The following SPHK2 variants were observed in gnomAD, a reference collection of about 807,000 sequenced individuals.
The protein encoded by SPHK2 is sphingosine kinase 2.
A neutral mutation model predicts 32.3 loss-of-function variants in SPHK2; 18 were observed. That is an observed-to-expected ratio of 0.56 (90% CI 0.39 to 0.83). The LOEUF (loss-of-function observed/expected upper bound fraction) is 0.83. Among genes scored for constraint, SPHK2 ranks in the 40% least tolerant of loss-of-function variants. SPHK2 has a pLI of 0.00. For synonymous variants in SPHK2, 462 were observed against 417.6 expected (o/e 1.11, Z -1.30); for missense variants, 850 against 908.7 (o/e 0.94, Z 0.83).
At position 48,628,530 on chromosome 19, in the gene SPHK2, G is replaced by T. The variant is rs144542227; in HGVS notation, c.873-151G>T. Reference sequence around the variant, plus strand: ...GAAAGATGACCAGGAACCTGGCCCCGTAAGGAGTCGCCTGGAGGTGGCCCC... The same window carrying T: ...GAAAGATGACCAGGAACCTGGCCCCTTAAGGAGTCGCCTGGAGGTGGCCCC... On this transcript the variant is annotated intron_variant, in intron 6 of 6. Coordinates refer to ENST00000245222, the MANE Select transcript of SPHK2 (RefSeq NM_020126.5). This position sits in a 1 kb window ranked among gnomAD's most constrained non-coding sequence, Gnocchi z 5.2. The T allele has an allele frequency of 6.8e-6, 7 of 1,023,456 alleles. No homozygotes were observed. Among genetic ancestry groups the T allele is most frequent in the East Asian group, 4.8e-5 (2 of 42,024 alleles). The allele number at this position is 1,023,456 out of a possible 1,614,324, so 63.4% of individuals were successfully genotyped here.
Position 48,627,743 on chromosome 19 carries a change from A to T in SPHK2, c.563A>T (p.Asn188Ile). The part of the protein sequence containing the change: ...PRPPRLLLLV[N>I]PFGGRGLAWQ... ...CCGCCCCGGTTGCTTCTATTGGTCA[A>T]TCCCTTTGGGGGTCGGGGCCTGGCC... Residue 188 changes from asparagine (N) to isoleucine (I), a missense_variant, in exon 4 of 7, where the codon AAT (asparagine) becomes ATT (isoleucine). This residue lies in a region of SPHK2 where 544 missense variants were observed against 640.0 expected (regional missense o/e 0.85). Coordinates refer to ENST00000245222, the MANE Select transcript of SPHK2 (RefSeq NM_020126.5). The T allele has an allele frequency of 6.2e-7, 1 of 1,613,530 alleles. No homozygotes were observed. Among genetic ancestry groups the T allele is most frequent in the East Asian group, 2.2e-5 (1 of 44,878 alleles).
At position 48,628,048 on chromosome 19, in the gene SPHK2, G is replaced by C. The variant is rs746600744; in HGVS notation, c.735G>C (p.Ser245=). 4 of 1,594,382 alleles carry C rather than the reference G, an allele frequency of 2.5e-6. No homozygotes were observed. In the South Asian group the frequency reaches 3.4e-5, roughly 13 times the overall value. ...LSEWDGIVTV[S]GDGLLHEVLN... is the part of the protein sequence containing the mutation. Reference sequence around the variant, plus strand: ...AGTGGGATGGCATCGTCACGGTCTCGGGAGACGGGCTGCTCCATGAGGTAG... The same window carrying C: ...AGTGGGATGGCATCGTCACGGTCTCCGGAGACGGGCTGCTCCATGAGGTAG... Residue 245 remains serine (S), a synonymous_variant, in exon 5 of 7, where the codon TCG becomes TCC. Coordinates refer to ENST00000245222, the MANE Select transcript of SPHK2 (RefSeq NM_020126.5). The surrounding 1 kb of genome is among the most constrained non-coding windows in gnomAD (Gnocchi z 5.2).
At position 48,630,245 on chromosome 19, in the gene SPHK2, TC is replaced by T. The variant is rs1031505703; in HGVS notation, c.*476del. On this transcript the variant is annotated 3_prime_UTR_variant, in exon 7 of 7. Coordinates refer to ENST00000245222, the MANE Select transcript of SPHK2 (RefSeq NM_020126.5). This position sits in a 1 kb window ranked among gnomAD's most constrained non-coding sequence, Gnocchi z 4.9. ...GCCAATCAGCCCAGGAGGGGCAGGTTCCCCGGGGCCGGCGCTAGGATTTGCA... is the reference window on the plus strand; with the variant it reads ...GCCAATCAGCCCAGGAGGGGCAGGTTCCCGGGGCCGGCGCTAGGATTTGCA... 7.8e-7 allele frequency: 1 copy of T among 1,274,876 alleles called. No individual in the cohort carries two copies. The allele number at this position is 1,274,876 out of a possible 1,614,324, so 79.0% of individuals were successfully genotyped here.
rs1202374268 is a variant in SPHK2 at position 48,626,372 on chromosome 19, T to G, written c.511+10T>G. ...CTGCCCGGGGATGGGGGTGAGGTGC[T>G]GGGCAGCTGCTCTATCCTGGAGCCA... On this transcript the variant is annotated intron_variant, in intron 3 of 6. Transcript: ENST00000245222. 2.6e-6 allele frequency: 4 copies of G among 1,563,696 alleles called. No individual in the cohort carries two copies. The highest frequency in any genetic ancestry group is 3.4e-6 in the Non-Finnish European group (4 of 1,165,004).
In SPHK2 at chr19:48,619,514, C is replaced by G. The variant is rs893518861; in HGVS notation, c.-143C>G. 1 of 293,736 alleles carries G rather than the reference C, an allele frequency of 3.4e-6. No individual in the cohort carries two copies. Among genetic ancestry groups the G allele is most frequent in the Non-Finnish European group, 6.5e-6 (1 of 153,648 alleles). 18.2% of individuals were successfully genotyped at this position (293,736 alleles called of 1,614,324 possible). ...GACGCCGACGGCCTCTCAGTGGCTC[C>G]CGGAGGACCCGGCGGGCCCAGTGTT... On this transcript the variant is annotated 5_prime_UTR_variant, in exon 1 of 7. Coordinates refer to ENST00000245222, the MANE Select transcript of SPHK2 (RefSeq NM_020126.5).
At chr19:48,624,824 TG>T in intron 2 of SPHK2, 2 of 785,918 alleles carry the variant, frequency 2.5e-6, no homozygotes, top group Non-Finnish European at 2.9e-6. Context: ...AGAGAGCCGC[TG>T]GGGATAGGGG....
intron 3 of SPHK2, 107 bp from the exon 4 acceptor site, chr19:48,627,585 C>A: frequency 5.8e-6 from 8 of 1,373,838 alleles, no homozygotes; most frequent in Non-Finnish European, 7.9e-6. Flanking sequence ...CCAGCAGGTC[C>A]CAGGGGCCAG....
rs557568260 is a variant in SPHK2 at position 48,630,288 on chromosome 19, C to G, written c.*515C>G. 27 of 1,288,716 alleles carry G rather than the reference C, an allele frequency of 2.1e-5. No homozygotes were observed. The highest frequency in any genetic ancestry group is 2.7e-5 in the Non-Finnish European group (27 of 1,018,830). The allele number at this position is 1,288,716 out of a possible 1,614,324, so 79.8% of individuals were successfully genotyped here. On this transcript the variant is annotated 3_prime_UTR_variant, in exon 7 of 7. Coordinates refer to ENST00000245222, the MANE Select transcript of SPHK2 (RefSeq NM_020126.5). The surrounding 1 kb of genome is among the most constrained non-coding windows in gnomAD (Gnocchi z 4.9). ...GGATTTGCACTAATGTTCCTCTCCC[C>G]GCGGGTGGGGGCGGGGAAATTCATA...
rs958455869 is a variant in SPHK2 at position 48,629,410 on chromosome 19, G to A, written c.1602G>A (p.Leu534=). ...GTPLPPDWVT[L]EGDFVLMLAI... is the part of the protein sequence containing the mutation. ...CGCTGCCCCCAGACTGGGTGACGCTGGAGGGGGACTTTGTGCTCATGTTGG... is the reference window on the plus strand; with the variant it reads ...CGCTGCCCCCAGACTGGGTGACGCTAGAGGGGGACTTTGTGCTCATGTTGG... The change falls in exon 7 of 7, where the codon CTG becomes CTA. Residue 534 remains leucine, a synonymous_variant. Transcript: ENST00000245222. 17 of 1,611,322 alleles carry A rather than the reference G, an allele frequency of 1.1e-5. No homozygotes were observed. The African/African-American group carries it at 2.1e-4, about 20-fold the overall frequency.
rs1169755176 is a variant in SPHK2, at chr19:48,629,501, C to T, written c.1693C>T (p.Leu565=). 6.2e-7 allele frequency: 1 copy of T among 1,607,466 alleles called. No individual in the cohort carries two copies. ...AAPHARFDDG[L]VHLCWVRSGI... ...TCCGCATGCGCGCTTCGACGACGGC[C>T]TGGTGCACCTGTGCTGGGTGCGTAG... Residue 565 remains leucine (L), a synonymous_variant, in exon 7 of 7, where the codon CTG becomes TTG. Transcript: ENST00000245222.
At chr19:48,625,035 G>A in intron 2 of SPHK2, 1 of 991,004 alleles carries the variant, frequency 1.0e-6, no homozygotes. Flanking sequence ...CCTCAGTCCT[G>A]CTCCCACCCG....
chr19:48,621,772 T>C (rs185847718), intron 2 of SPHK2, among the ~76,000 whole-genome samples: 33 of 152,298 alleles, frequency 2.2e-4, no homozygotes, highest in Admixed American at 1.2e-3. Flanking sequence ...AAGACAGTTA[T>C]TCAATTGAGA....
At position 48,628,101 on chromosome 19, in the gene SPHK2, G is replaced by C; in HGVS notation, c.756+32G>C. On this transcript the variant is annotated intron_variant, in intron 5 of 6. Coordinates refer to ENST00000245222, the MANE Select transcript of SPHK2 (RefSeq NM_020126.5). This position sits in a 1 kb window ranked among gnomAD's most constrained non-coding sequence, Gnocchi z 5.2. ...CAGGAGCACCCTGCCCCTAGCCCTG[G>C]GCCCTGGGGGACTATAGAGACTGCC... The C allele has an allele frequency of 6.3e-7, 1 of 1,580,418 alleles. No individual in the cohort carries two copies.
intron 2 of SPHK2, chr19:48,625,398 G>A: frequency 1.7e-6 from 2 of 1,178,076 alleles, no homozygotes; most frequent in South Asian, 1.6e-5. Flanking sequence ...GCACCGTATG[G>A]GGGGTGGGGG....
rs1432372248 is a variant in SPHK2, at chr19:48,628,333, C to T, written c.872+56C>T. On this transcript the variant is annotated intron_variant, in intron 6 of 6. Transcript: ENST00000245222. This position sits in a 1 kb window ranked among gnomAD's most constrained non-coding sequence, Gnocchi z 5.2. ...GAGCCCCTCCTGGGGTGATAGGGAC[C>T]CCTATATCTCCCACTCAGCCAAACC... is the stretch of plus-strand genomic sequence containing the variant. The T allele has an allele frequency of 6.8e-7, 1 of 1,472,616 alleles. No individual in the cohort carries two copies. The highest frequency in any genetic ancestry group is 1.7e-5 in the Admixed American group (1 of 59,850). 91.2% of individuals were successfully genotyped at this position (1,472,616 alleles called of 1,614,324 possible).
In SPHK2 at chr19:48,629,976, A is replaced by AG; in HGVS notation, c.*206dup. ...GTTAAAGAGAAATGGGCTCGTCCCG[A>AG]GGGTAGTGCCTGATCAATGAGGGCG... is the stretch of plus-strand genomic sequence containing the variant. On this transcript the variant is annotated 3_prime_UTR_variant, in exon 7 of 7. Transcript: ENST00000245222. The AG allele has an allele frequency of 7.1e-7, 1 of 1,405,118 alleles. No individual in the cohort carries two copies. The highest frequency in any genetic ancestry group is 9.2e-7 in the Non-Finnish European group (1 of 1,084,076). 87.0% of individuals were successfully genotyped at this position (1,405,118 alleles called of 1,614,324 possible).
At chr19:48,625,590 T>G in intron 2 of SPHK2, 1 of 1,435,098 alleles carries the variant, frequency 7.0e-7, no homozygotes, top group Non-Finnish European at 9.2e-7. Flanking sequence ...TGGGGCTATT[T>G]TGTCTCCTGC....
At position 48,630,290 on chromosome 19, in the gene SPHK2, C is replaced by T; in HGVS notation, c.*517C>T. Reference sequence around the variant, plus strand: ...ATTTGCACTAATGTTCCTCTCCCCGCGGGTGGGGGCGGGGAAATTCATATC... The same window carrying T: ...ATTTGCACTAATGTTCCTCTCCCCGTGGGTGGGGGCGGGGAAATTCATATC... On this transcript the variant is annotated 3_prime_UTR_variant, in exon 7 of 7. Transcript: ENST00000245222. This position sits in a 1 kb window ranked among gnomAD's most constrained non-coding sequence, Gnocchi z 4.9. The T allele has an allele frequency of 5.4e-6, 7 of 1,287,236 alleles. No individual in the cohort carries two copies. Among genetic ancestry groups the T allele is most frequent in the Non-Finnish European group, 6.9e-6 (7 of 1,017,960 alleles). 79.7% of individuals were successfully genotyped at this position (1,287,236 alleles called of 1,614,324 possible). A position where few individuals can be genotyped will look rare whatever the true frequency, so the allele number is the denominator to read the frequency against.
rs766986693 is a variant in SPHK2, at chr19:48,629,333, G to C, written c.1525G>C (p.Gly509Arg). The C allele has an allele frequency of 6.2e-6, 10 of 1,613,118 alleles. No homozygotes were observed. The highest frequency in any genetic ancestry group is 8.5e-6 in the Non-Finnish European group (10 of 1,179,916). ...ACTTCCCACCCCTGATGCCCGGGTA[G>C]GGGCCTCCACCTGCGGCCCGCCCGA... ...LPLPTPDARVGASTCGPPDHL... is the reference protein window; with the variant it reads ...LPLPTPDARVRASTCGPPDHL... The change falls in exon 7 of 7, where the codon GGG (glycine) becomes CGG (arginine). Residue 509 changes from glycine (G) to arginine (R), a missense_variant. Physicochemically the swap from Gly to Arg is moderately radical, Grantham distance 125. Transcript: ENST00000245222.
Sources: allele counts gnomAD v4.1 joint callset (sites outside exome capture counted in the v4.1 genomes callset), GRCh38; gene constraint gnomAD v4.1.1; regional missense constraint gnomAD v4.1.1; non-coding constraint Gnocchi (gnomAD v3.1); transcripts MANE v1.5; gene names NCBI Gene and HGNC (gene_info 2026-07-23, HGNC 2026-07-21).